Variants in PRDM6 observed in about 807,000 individuals in gnomAD.
PRDM6 encodes the protein putative histone-lysine N-methyltransferase PRDM6.
Under a neutral mutation model 60.8 loss-of-function variants are expected in PRDM6, and 25 were observed. That is an observed-to-expected ratio of 0.41 (90% CI 0.30 to 0.57). The LOEUF is 0.57. PRDM6 is among the 20% of genes least tolerant of loss of function. The pLI, the probability that PRDM6 is intolerant of heterozygous loss-of-function variation, is 0.27. For missense variants in PRDM6, 839 were observed against 821.3 expected, an observed-to-expected ratio of 1.02 and a Z score of -0.26; for synonymous variants, 407 against 357.4, an observed-to-expected ratio of 1.14 and a Z score of -1.57.
chr5:123,153,478 G>A (rs1348364716), intron 3 of PRDM6, among the ~76,000 whole-genome samples: 2 of 152,222 alleles, frequency 1.3e-5, no homozygotes, highest in African/African-American at 4.8e-5. Context: ...GTAGTCGTGG[G>A]GTTTAAGTAG....
intron 1 of PRDM6, 144 bp from the exon 2 acceptor site, chr5:123,089,856 G>A (rs1308288591): frequency 3.2e-6 from 2 of 619,770 alleles, no homozygotes; most frequent in Non-Finnish European, 5.5e-6. Flanking sequence ...GCGCCCAAGC[G>A]GAGTTGGGAA....
At chr5:123,107,065 A>G (rs910593898) in intron 3 of PRDM6, among the ~76,000 whole-genome samples, 1 of 152,234 alleles carries the variant, frequency 6.6e-6, no homozygotes, top group African/African-American at 2.4e-5. Context: ...AGACCCACCT[A>G]GGCTGTGAGA....
At chr5:123,095,013 TTA>T (rs1763926097) in intron 2 of PRDM6, among the ~76,000 whole-genome samples, 1 of 152,180 alleles carries the variant, frequency 6.6e-6, no homozygotes, top group Non-Finnish European at 1.5e-5. Flanking sequence ...GCGGGGAGCT[TTA>T]AACTCGCGTA....
chr5:123,182,309 G>A (rs1015822426), intron 7 of PRDM6, among the ~76,000 whole-genome samples: 3 of 152,196 alleles, frequency 2.0e-5, no homozygotes, highest in Non-Finnish European at 4.4e-5. Flanking sequence ...ACAATGAGTG[G>A]CACGTTGCCT....
intron 7 of PRDM6, among the ~76,000 whole-genome samples, chr5:123,181,282 A>T (rs1766153735): frequency 6.6e-6 from 1 of 152,240 alleles, no homozygotes; most frequent in Non-Finnish European, 1.5e-5. Context: ...TAAACGTATT[A>T]TAGGGTGAAA....
rs1199520627 is a variant in PRDM6 at position 123,099,749 on chromosome 5, G to C, written c.688G>C (p.Ala230Pro). 1.9e-6 allele frequency: 3 copies of C among 1,545,448 alleles called. No individual in the cohort carries two copies. Among genetic ancestry groups the C allele is most frequent in the Non-Finnish European group, 2.6e-6 (3 of 1,144,776 alleles). The change falls in exon 3 of 8, where the codon GCC (alanine) becomes CCC (proline). Residue 230 changes from alanine (A) to proline (P), a missense_variant. By Grantham distance (27) the Ala-to-Pro change is conservative. Transcript: ENST00000407847. This position sits in a 1 kb window ranked among gnomAD's most constrained non-coding sequence, Gnocchi z 4.0. ...RRLVGTSSAA[A>P]AAPPPELPEW... is the part of the protein sequence containing the mutation. ...GCTTGTGGGCACCAGCAGCGCTGCG[G>C]CCGCCGCGCCCCCGCCGGAGCTGCC... is the stretch of plus-strand genomic sequence containing the variant.
chr5:123,094,724 G>C (rs761538199), intron 2 of PRDM6, among the ~76,000 whole-genome samples: 1 of 152,058 alleles, frequency 6.6e-6, no homozygotes, highest in Admixed American at 6.6e-5. Context: ...GCCCAGACCC[G>C]CTTCGATCTC....
chr5:123,092,612 A>G (rs1253404184), intron 2 of PRDM6, among the ~76,000 whole-genome samples: 1 of 152,184 alleles, frequency 6.6e-6, no homozygotes, highest in Non-Finnish European at 1.5e-5. Context: ...TAAATAATTT[A>G]TATTGTGTTA....
At chr5:123,180,125 A>G in intron 6 of PRDM6, 22 bp from the exon 7 acceptor site, 3 of 1,515,780 alleles carry the variant, frequency 2.0e-6, no homozygotes, top group Non-Finnish European at 2.7e-6. Context: ...CAATGACCAG[A>G]CAGTCTGTTT....
At chr5:123,168,611 A>G (rs559316034) in intron 5 of PRDM6, among the ~76,000 whole-genome samples, 1 of 152,366 alleles carries the variant, frequency 6.6e-6, no homozygotes, top group East Asian at 1.9e-4. Flanking sequence ...CCCAGGCCCT[A>G]TGGAGAGATT....
In PRDM6 at chr5:123,191,840, A is replaced by G. The variant is rs1006106482; in HGVS notation, c.*4639A>G. On this transcript the variant is annotated 3_prime_UTR_variant, in exon 8 of 8. Coordinates refer to ENST00000407847, the MANE Select transcript of PRDM6 (RefSeq NM_001136239.4). ...TCAGCTGTCAGGTACAACTGGCCAG[A>G]CAGAGCCAAACTGAAAAGAATATTG... 6.6e-6 allele frequency: 1 copy of G among 152,230 alleles called. No individual in the cohort carries two copies. Among genetic ancestry groups the G allele is most frequent in the Non-Finnish European group, 1.5e-5 (1 of 68,040 alleles). 9.4% of individuals were successfully genotyped at this position (152,230 alleles called of 1,614,324 possible).
At chr5:123,136,734 A>T (rs1292889872) in intron 3 of PRDM6, among the ~76,000 whole-genome samples, 2 of 152,260 alleles carry the variant, frequency 1.3e-5, no homozygotes, top group African/African-American at 4.8e-5. Flanking sequence ...TAGGCAAAAG[A>T]CTGCATGTTT....
intron 3 of PRDM6, among the ~76,000 whole-genome samples, chr5:123,102,892 T>A (rs1344000849): frequency 1.3e-5 from 2 of 152,070 alleles, no homozygotes; most frequent in African/African-American, 2.4e-5. Flanking sequence ...TTAGTATGGT[T>A]GTACTTTATT....
intron 3 of PRDM6, among the ~76,000 whole-genome samples, chr5:123,120,817 T>C (rs771839420): frequency 5.9e-5 from 9 of 152,234 alleles, no homozygotes; most frequent in Non-Finnish European, 1.2e-4. Context: ...TCTAGGTTAA[T>C]AGATTTTCAT....
intron 4 of PRDM6, 113 bp from the exon 5 acceptor site, chr5:123,159,401 A>G: frequency 3.3e-6 from 4 of 1,204,970 alleles, no homozygotes; most frequent in Non-Finnish European, 4.6e-6. Flanking sequence ...TTTATTACAA[A>G]CAGAAACTGT....
intron 3 of PRDM6, among the ~76,000 whole-genome samples, chr5:123,153,113 A>C (rs1765406900): frequency 6.6e-6 from 1 of 152,142 alleles, no homozygotes; most frequent in Admixed American, 6.5e-5. Flanking sequence ...ATGTATTACA[A>C]ATATTTTCCC....
At chr5:123,168,403 T>C (rs901778610) in intron 5 of PRDM6, among the ~76,000 whole-genome samples, 1 of 151,952 alleles carries the variant, frequency 6.6e-6, no homozygotes, top group African/African-American at 2.4e-5. Flanking sequence ...AAAAAAAAAA[T>C]TCTGTCTTAT....
intron 3 of PRDM6, among the ~76,000 whole-genome samples, chr5:123,102,007 C>T (rs970283776): frequency 1.8e-4 from 27 of 152,050 alleles, no homozygotes; most frequent in African/African-American, 6.5e-4. Context: ...AGAGTTGGTT[C>T]TCTGTTAGAA....
In PRDM6 at chr5:123,099,634, C is replaced by G; in HGVS notation, c.593-20C>G. On this transcript the variant is annotated intron_variant, in intron 2 of 7. Coordinates refer to ENST00000407847, the MANE Select transcript of PRDM6 (RefSeq NM_001136239.4). This position sits in a 1 kb window ranked among gnomAD's most constrained non-coding sequence, Gnocchi z 4.0. ...CGGATTAACCCGCTCCCTTCCCTTC[C>G]TCCTTCTTGTCTCCCGCAGGTTGCG... 3.5e-6 allele frequency: 5 copies of G among 1,442,960 alleles called. No individual in the cohort carries two copies. The South Asian group carries it at 6.1e-5, about 18-fold the overall frequency. 89.4% of individuals were successfully genotyped at this position (1,442,960 alleles called of 1,614,324 possible).
Sources: allele counts gnomAD v4.1 joint callset (sites outside exome capture counted in the v4.1 genomes callset), GRCh38; gene constraint gnomAD v4.1.1; non-coding constraint Gnocchi (gnomAD v3.1); transcripts MANE v1.5; gene names NCBI Gene and HGNC (gene_info 2026-07-23, HGNC 2026-07-21).